Variants in CNTNAP4 observed in about 807,000 individuals in gnomAD.
CNTNAP4 encodes the protein contactin-associated protein-like 4.
CNTNAP4 carries 98 observed loss-of-function variants against 148.4 expected under a neutral mutation model. That is an observed-to-expected ratio of 0.66 (90% CI 0.56 to 0.78). The LOEUF (loss-of-function observed/expected upper bound fraction) is 0.78, where lower values mean the gene tolerates loss of function less well. CNTNAP4 is among the 30% of genes least tolerant of loss of function. The pLI, the probability that CNTNAP4 is intolerant of heterozygous loss-of-function variation, is 0.00. For missense variants in CNTNAP4, 1,935 were observed against 1,565.6 expected (o/e 1.24, Z -3.98); for synonymous variants, 730 against 565.1 (o/e 1.29, Z -4.14).
intron 15 of CNTNAP4, among the ~76,000 whole-genome samples, chr16:76,502,889 AGCCATGTTTTTC>A (rs951707880): frequency 7.2e-5 from 11 of 152,096 alleles, no homozygotes; most frequent in Non-Finnish European, 1.3e-4. Context: ...AATGTAGATC[AGCCATGTTTTTC>A]TAGGAAAGAA....
Position 76,452,501 on chromosome 16 carries a change from T to C in CNTNAP4, c.1072-7T>C. 6.2e-7 allele frequency: 1 copy of C among 1,613,812 alleles called. No homozygotes were observed. The highest frequency in any genetic ancestry group is 8.5e-7 in the Non-Finnish European group (1 of 1,179,778). ...TCTGAAAGCTTTTTCTTTTACTTTA[T>C]TCTCAGGGAAATGTGTCATTTTCTT... On this transcript the variant is annotated splice_region_variant and splice_polypyrimidine_tract_variant and intron_variant, in intron 7 of 23. Transcript: ENST00000611870.
intron 15 of CNTNAP4, among the ~76,000 whole-genome samples, chr16:76,513,308 T>A (rs1041878569): frequency 2.0e-5 from 3 of 152,178 alleles, no homozygotes; most frequent in African/African-American, 7.2e-5. Context: ...ATGAGATGTA[T>A]TATTGGGGAG....
At chr16:76,319,286 G>A (rs8055525) in intron 2 of CNTNAP4, among the ~76,000 whole-genome samples, 48,450 of 151,796 alleles carry the variant, frequency 0.32, 8,169 homozygotes, top group Non-Finnish European at 0.35. Flanking sequence ...TAGCTATCCA[G>A]GAGGCTGAGG....
intron 17 of CNTNAP4, among the ~76,000 whole-genome samples, chr16:76,532,190 A>G (rs1263071271): frequency 6.6e-6 from 1 of 152,208 alleles, no homozygotes; most frequent in Non-Finnish European, 1.5e-5. Flanking sequence ...GTGTTGTTCA[A>G]TCCAAAGATG....
intron 17 of CNTNAP4, among the ~76,000 whole-genome samples, chr16:76,530,049 A>T (rs902126414): frequency 5.3e-5 from 8 of 151,750 alleles, no homozygotes; most frequent in East Asian, 1.9e-4. Context: ...TATTTTTTTT[A>T]AAAAAAACTT....
At chr16:76,485,058 A>C (rs2081977860) in intron 12 of CNTNAP4, among the ~76,000 whole-genome samples, 1 of 152,222 alleles carries the variant, frequency 6.6e-6, no homozygotes, top group African/African-American at 2.4e-5. Context: ...ATAGTTTCAA[A>C]ATAATTAGTT....
chr16:76,396,215 T>G (rs2078198420), intron 3 of CNTNAP4, among the ~76,000 whole-genome samples: 1 of 152,206 alleles, frequency 6.6e-6, no homozygotes. Flanking sequence ...AGGGGATGAC[T>G]TCACTTGAAT....
rs1363537520 is a variant in CNTNAP4, at chr16:76,553,360, A to G, written c.3520A>G (p.Ser1174Gly). 6.2e-7 allele frequency: 1 copy of G among 1,612,908 alleles called. No homozygotes were observed. The highest frequency in any genetic ancestry group is 8.5e-7 in the Non-Finnish European group (1 of 1,179,408). The part of the protein sequence containing the change: ...FTGCLSAVQL[S>G]HVAPLKAALH... ...AGGCTGCCTCTCTGCAGTGCAGCTC[A>G]GCCACGTGGCCCCTCTGAAGGCAGC... The change falls in exon 22 of 24, where the codon AGC (serine) becomes GGC (glycine). Residue 1174 changes from serine to glycine, a missense_variant. Transcript: ENST00000611870.
At chr16:76,489,571 G>A (rs1244610039) in intron 12 of CNTNAP4, 115 bp from the exon 13 acceptor site, 1 of 523,028 alleles carries the variant, frequency 1.9e-6, no homozygotes, top group Non-Finnish European at 3.2e-6. Context: ...AGGGAAGTTT[G>A]ATGACTAGAA....
At chr16:76,371,858 C>A (rs1207751457) in intron 3 of CNTNAP4, among the ~76,000 whole-genome samples, 1 of 152,212 alleles carries the variant, frequency 6.6e-6, no homozygotes, top group African/African-American at 2.4e-5. Context: ...GTCTGCCAAA[C>A]AAGCTTTAGT....
intron 2 of CNTNAP4, among the ~76,000 whole-genome samples, chr16:76,323,007 T>G (rs893905773): frequency 2.5e-4 from 38 of 151,896 alleles, no homozygotes; most frequent in East Asian, 5.8e-4. Context: ...CCTAATTTTT[T>G]TTGTTGTTGT....
At chr16:76,484,794 A>G (rs2081967011) in intron 12 of CNTNAP4, among the ~76,000 whole-genome samples, 1 of 152,216 alleles carries the variant, frequency 6.6e-6, no homozygotes, top group African/African-American at 2.4e-5. Context: ...AGCCAATAGC[A>G]TATCTTCTAG....
At chr16:76,332,145 C>G (rs573479865) in intron 2 of CNTNAP4, among the ~76,000 whole-genome samples, 61 of 152,286 alleles carry the variant, frequency 4.0e-4, no homozygotes, top group African/African-American at 1.4e-3. Flanking sequence ...CTTTGACTTA[C>G]AACGGTTTGA....
At chr16:76,452,400 G>C in intron 7 of CNTNAP4, 108 bp from the exon 8 acceptor site, 1 of 1,088,650 alleles carries the variant, frequency 9.2e-7, no homozygotes, top group Non-Finnish European at 1.3e-6. Flanking sequence ...ATAGCAGGCA[G>C]TTGTTTTAAA....
At chr16:76,499,915 T>A (rs2082560741) in intron 15 of CNTNAP4, among the ~76,000 whole-genome samples, 1 of 152,046 alleles carries the variant, frequency 6.6e-6, no homozygotes, top group Non-Finnish European at 1.5e-5. Context: ...GCAGAAGAAT[T>A]TTTCTTAGTA....
chr16:76,534,062 G>A (rs900964295), intron 17 of CNTNAP4, among the ~76,000 whole-genome samples: 1 of 152,214 alleles, frequency 6.6e-6, no homozygotes, highest in Non-Finnish European at 1.5e-5. Flanking sequence ...GAGATAATTA[G>A]TTTATTAGAA....
intron 3 of CNTNAP4, among the ~76,000 whole-genome samples, chr16:76,398,922 T>A (rs1189817588): frequency 6.6e-6 from 1 of 151,804 alleles, no homozygotes; most frequent in African/African-American, 2.4e-5. Flanking sequence ...ATTGTAATAA[T>A]CCCCCCTGTG....
At chr16:76,355,779 G>GACTTGTAT (rs2012522586) in intron 3 of CNTNAP4, among the ~76,000 whole-genome samples, 1 of 151,538 alleles carries the variant, frequency 6.6e-6, no homozygotes, top group African/African-American at 2.4e-5. Flanking sequence ...GGGAGTCTAA[G>GACTTGTAT]AAATAAATAA....
At chr16:76,502,677 C>G (rs531113194) in intron 15 of CNTNAP4, among the ~76,000 whole-genome samples, 4 of 152,236 alleles carry the variant, frequency 2.6e-5, no homozygotes, top group African/African-American at 9.6e-5. Flanking sequence ...GGGGGATCAA[C>G]TACGAGGTAA....
Sources: gnomAD v4.1 joint callset for allele counts (sites outside exome capture counted in the v4.1 genomes callset) on GRCh38, gnomAD v4.1.1 for gene constraint, MANE v1.5 for transcripts, NCBI Gene and HGNC (gene_info 2026-07-23, HGNC 2026-07-21) for gene names.